Variants in KIAA1217 observed in about 807,000 individuals in gnomAD.
KIAA1217 encodes the protein sickle tail protein homolog.
KIAA1217 carries 88 observed loss-of-function variants against 163.9 expected under a neutral mutation model. That is an observed-to-expected ratio of 0.54 (90% CI 0.45 to 0.64). KIAA1217 has a LOEUF of 0.64. Among genes scored for constraint, KIAA1217 ranks in the 30% least tolerant of loss-of-function variants. KIAA1217 has a pLI of 0.00. For missense variants in KIAA1217, 2,372 were observed against 2,475.0 expected (o/e 0.96, Z 0.88); for synonymous variants, 903 against 923.1 (o/e 0.98, Z 0.39).
At chr10:24,152,496 A>G (rs746412935) in intron 2 of KIAA1217, among the ~76,000 whole-genome samples, 1 of 152,206 alleles carries the variant, frequency 6.6e-6, no homozygotes, top group Non-Finnish European at 1.5e-5. Flanking sequence ...TTATTTTGTG[A>G]AATAGCATTT....
chr10:24,530,017 G>A (rs1187718151), intron 14 of KIAA1217, among the ~76,000 whole-genome samples: 62 of 151,876 alleles, frequency 4.1e-4, no homozygotes, highest in Admixed American at 3.9e-3. Context: ...GGCTGATCTC[G>A]AACTCCTGAC....
chr10:24,426,982 A>G (rs2059224213), intron 3 of KIAA1217, among the ~76,000 whole-genome samples: 1 of 152,220 alleles, frequency 6.6e-6, no homozygotes, highest in African/African-American at 2.4e-5. Context: ...TCTGAGACGC[A>G]AAAGATAATG....
chr10:23,771,617 C>T (rs1366888777), intron 1 of KIAA1217, among the ~76,000 whole-genome samples: 8 of 152,302 alleles, frequency 5.3e-5, no homozygotes, highest in South Asian at 2.1e-4. Context: ...GATTAGTGGG[C>T]GGTGCCCCTC....
intron 1 of KIAA1217, among the ~76,000 whole-genome samples, chr10:23,931,969 G>GA (rs1843271024): frequency 6.6e-6 from 1 of 152,176 alleles, no homozygotes; most frequent in African/African-American, 2.4e-5. Flanking sequence ...CCAGACTCCA[G>GA]AAAAGACCAG....
At chr10:24,500,243 C>T (rs944660716) in intron 8 of KIAA1217, among the ~76,000 whole-genome samples, 1 of 148,728 alleles carries the variant, frequency 6.7e-6, no homozygotes, top group Non-Finnish European at 1.5e-5. Flanking sequence ...TGGATCCAGC[C>T]TCTACTCCAG....
intron 2 of KIAA1217, among the ~76,000 whole-genome samples, chr10:24,380,401 G>A (rs908853058): frequency 6.6e-6 from 1 of 152,020 alleles, no homozygotes; most frequent in East Asian, 1.9e-4. Context: ...CGAGGCAGGC[G>A]GATCACCTGA....
chr10:23,718,647 A>AG, intron 1 of KIAA1217, among the ~76,000 whole-genome samples: 1 of 152,116 alleles, frequency 6.6e-6, no homozygotes, highest in South Asian at 2.1e-4. Context: ...AAAAAAAAAA[A>AG]CTTTTACAGA....
rs1278609749 is a variant in KIAA1217 at position 23,939,763 on chromosome 10, G to T, written c.-320-67462G>T. On this transcript the variant is annotated intron_variant, in intron 1 of 18. Transcript: ENST00000376462. ...ACTTAAACAAGACTTCAACTAAATT[G>T]ACCTAAGGAACATACATAAAACATT... Among the ~76,000 whole-genome samples the T allele has an allele frequency of 2.0e-5, 3 of 151,426 alleles. No individual in the cohort carries two copies. In the East Asian group the frequency reaches 5.8e-4, roughly 29 times the overall value.
At chr10:24,169,834 A>G (rs1330718126) in intron 2 of KIAA1217, among the ~76,000 whole-genome samples, 1 of 152,176 alleles carries the variant, frequency 6.6e-6, no homozygotes, top group Non-Finnish European at 1.5e-5. Flanking sequence ...TGAGCAATTT[A>G]TAGGACATAA....
intron 1 of KIAA1217, among the ~76,000 whole-genome samples, chr10:23,735,831 A>T (rs1838765631): frequency 6.6e-6 from 1 of 152,208 alleles, no homozygotes; most frequent in Admixed American, 6.5e-5. Context: ...TGTATAATTA[A>T]TCATATTTTG....
intron 1 of KIAA1217, among the ~76,000 whole-genome samples, chr10:23,954,043 G>A (rs1256852003): frequency 2.0e-5 from 3 of 152,178 alleles, no homozygotes; most frequent in Non-Finnish European, 2.9e-5. Flanking sequence ...CCAAAGGTCA[G>A]ATGAAAATGC....
In KIAA1217 at chr10:23,790,512, TATGTATATATACATATATAC is replaced by T. The variant is rs1196550448; in HGVS notation, c.-321+95281_-321+95300del. ...ACATATATACATGTGCATATATACA[TATGTATATATACATATATAC>T]ATATACATGTGCATATATACATATG... On this transcript the variant is annotated intron_variant, in intron 1 of 18. Transcript: ENST00000376462. Among the ~76,000 whole-genome samples the T allele has an allele frequency of 2.7e-4, 30 of 111,680 alleles. 1 individual carries two copies. The highest frequency in any genetic ancestry group is 1.8e-3 in the East Asian group (8 of 4,336). The allele number at this position is 111,680 out of a possible 152,430, so 73.3% of individuals were successfully genotyped here.
rs916762478 is a variant in KIAA1217, at chr10:24,438,758, G to T, written c.846+279G>T. Among the ~76,000 whole-genome samples the T allele has an allele frequency of 2.6e-5, 4 of 152,262 alleles. No individual in the cohort carries two copies. In the East Asian group the frequency reaches 5.8e-4, roughly 22 times the overall value. On this transcript the variant is annotated intron_variant, in intron 5 of 20. Transcript: ENST00000376454. ...GAATTCTGAAAATCTTCCTATAAAA[G>T]GGTCCCTGGTCCACAGTATATTAAC...
chr10:24,445,849 A>C (rs1274268548), intron 5 of KIAA1217, among the ~76,000 whole-genome samples: 2 of 152,068 alleles, frequency 1.3e-5, no homozygotes, highest in Non-Finnish European at 2.9e-5. Flanking sequence ...ATACCTGTGC[A>C]TGTGTCTTTA....
intron 1 of KIAA1217, among the ~76,000 whole-genome samples, chr10:23,925,583 C>G (rs954135381): frequency 6.6e-6 from 1 of 152,218 alleles, no homozygotes; most frequent in Non-Finnish European, 1.5e-5. Flanking sequence ...ACAAAGTTCA[C>G]TTTTATGCTG....
At chr10:24,193,268 G>C (rs956974468) in intron 2 of KIAA1217, among the ~76,000 whole-genome samples, 1 of 152,122 alleles carries the variant, frequency 6.6e-6, no homozygotes, top group African/African-American at 2.4e-5. Context: ...GCTTCTTAAG[G>C]TTCCCTCAGT....
intron 1 of KIAA1217, among the ~76,000 whole-genome samples, chr10:23,846,083 T>C (rs947424057): frequency 2.0e-5 from 3 of 152,188 alleles, no homozygotes; most frequent in Non-Finnish European, 4.4e-5. Context: ...TCTGTTCCAT[T>C]GGTCTATATA....
At chr10:24,067,542 A>G (rs1381384388) in intron 2 of KIAA1217, among the ~76,000 whole-genome samples, 1 of 152,212 alleles carries the variant, frequency 6.6e-6, no homozygotes, top group East Asian at 1.9e-4. Flanking sequence ...GGGAGGTGTC[A>G]GTCCGCCCCT....
chr10:24,266,136 T>C (rs1338768040), intron 2 of KIAA1217, among the ~76,000 whole-genome samples: 3 of 151,422 alleles, frequency 2.0e-5, no homozygotes, highest in African/African-American at 7.3e-5. Flanking sequence ...TGGAGTGCAG[T>C]GGTGCAATCT....
Sources: gnomAD v4.1 joint callset for allele counts (sites outside exome capture counted in the v4.1 genomes callset) on GRCh38, gnomAD v4.1.1 for gene constraint, MANE v1.5 for transcripts, NCBI Gene and HGNC (gene_info 2026-07-23, HGNC 2026-07-21) for gene names.